The following CERS3 variants were observed in gnomAD, a reference collection of about 807,000 sequenced individuals.
CERS3 encodes LAG1 homolog, ceramide synthase 3.
CERS3 carries 33 observed loss-of-function variants against 50.3 expected under a neutral mutation model. The observed-to-expected ratio is 0.66, with a 90% CI of 0.50 to 0.88. The LOEUF (loss-of-function observed/expected upper bound fraction) is 0.88. Ranked by LOEUF, CERS3 falls within the 40% of genes least tolerant of loss-of-function variation. The pLI is 0.00. For synonymous variants in CERS3, 176 were observed against 155.2 expected (o/e 1.13, Z -0.99); for missense variants, 470 against 460.3 (o/e 1.02, Z -0.19).
At chr15:100,520,493 C>G (rs1001579722) in intron 2 of CERS3, among the ~76,000 whole-genome samples, 2 of 152,174 alleles carry the variant, frequency 1.3e-5, no homozygotes, top group African/African-American at 4.8e-5. Flanking sequence ...CTGAAGGCCC[C>G]GCTGAACTGC....
intron 3 of CERS3, among the ~76,000 whole-genome samples, chr15:100,494,210 CATATATATATATATATAT>C (rs1170051830): frequency 0.011 from 872 of 78,118 alleles, 47 homozygotes; most frequent in African/African-American, 0.046. Context: ...TTTTTCTTTT[CATATATATATATATATAT>C]ATATATATAT....
At chr15:100,453,519 A>G (rs2034250331) in intron 11 of CERS3, among the ~76,000 whole-genome samples, 1 of 152,220 alleles carries the variant, frequency 6.6e-6, no homozygotes, top group African/African-American at 2.4e-5. Flanking sequence ...TGAAGGGCAT[A>G]TATGACAGAT....
chr15:100,408,972 C>G (rs760897423), intron 11 of CERS3, among the ~76,000 whole-genome samples: 3 of 152,152 alleles, frequency 2.0e-5, no homozygotes, highest in South Asian at 2.1e-4. Context: ...GAAAGGTACA[C>G]AGGATGAAAA....
At chr15:100,433,512 C>A in intron 11 of CERS3, among the ~76,000 whole-genome samples, 1 of 152,206 alleles carries the variant, frequency 6.6e-6, no homozygotes, top group Admixed American at 6.5e-5. Context: ...TGTCCAAATA[C>A]AGAGGCCCAG....
intron 1 of CERS3, among the ~76,000 whole-genome samples, chr15:100,538,972 G>C (rs543397572): frequency 6.6e-6 from 1 of 152,186 alleles, no homozygotes; most frequent in South Asian, 2.1e-4. Context: ...GTCACCTCTT[G>C]AACACTTTAC....
chr15:100,448,393 A>G (rs896127014), intron 11 of CERS3, among the ~76,000 whole-genome samples: 6 of 152,216 alleles, frequency 3.9e-5, no homozygotes, highest in South Asian at 2.1e-4. Context: ...ATACTCCCCA[A>G]TGTGGGAAAA....
intron 2 of CERS3, among the ~76,000 whole-genome samples, chr15:100,519,665 A>G (rs1472009356): frequency 1.3e-5 from 2 of 152,164 alleles, no homozygotes; most frequent in Non-Finnish European, 2.9e-5. Flanking sequence ...TCTTCCTGCT[A>G]GTACACAAGG....
Position 100,432,069 on chromosome 15 carries a change from T to A in CERS3, c.999+23824A>T, listed in dbSNP as rs556320360. Among the ~76,000 whole-genome samples the A allele has an allele frequency of 8.0e-4, 36 of 44,796 alleles. No individual in the cohort carries two copies. In the East Asian group the frequency reaches 0.027, roughly 33 times the overall value. 29.4% of individuals were successfully genotyped at this position (44,796 alleles called of 152,430 possible). A position where few individuals can be genotyped will look rare whatever the true frequency, so the allele number is the denominator to read the frequency against. On this transcript the variant is annotated intron_variant, in intron 11 of 11. Coordinates refer to ENST00000679737, the MANE Select transcript of CERS3 (RefSeq NM_001378789.1). ...CTGAGTTCCTTTAATAGGCCCTCTT[T>A]TGTTTTTTTTTTTAAGAGACAGGGT...
At chr15:100,492,509 T>C (rs1001325434) in intron 3 of CERS3, among the ~76,000 whole-genome samples, 4 of 152,232 alleles carry the variant, frequency 2.6e-5, no homozygotes, top group African/African-American at 9.6e-5. Context: ...TTGTCTGATA[T>C]TAGTACAGCT....
At chr15:100,437,182 T>C (rs956705867) in intron 11 of CERS3, among the ~76,000 whole-genome samples, 2 of 152,132 alleles carry the variant, frequency 1.3e-5, no homozygotes, top group Non-Finnish European at 2.9e-5. Flanking sequence ...CCTGACCTCG[T>C]GATCCGCCTG....
At chr15:100,543,383 C>A (rs2037248419) in intron 1 of CERS3, among the ~76,000 whole-genome samples, 1 of 152,188 alleles carries the variant, frequency 6.6e-6, no homozygotes, top group South Asian at 2.1e-4. Context: ...GTTCTCATTT[C>A]AGGTGATTTA....
chr15:100,503,121 T>C (rs974590423), intron 2 of CERS3, among the ~76,000 whole-genome samples: 48 of 152,240 alleles, frequency 3.2e-4, no homozygotes, highest in African/African-American at 1.2e-3. Flanking sequence ...CATCTTTTAA[T>C]GTTTAATCAG....
intron 3 of CERS3, among the ~76,000 whole-genome samples, chr15:100,491,160 A>T (rs892643442): frequency 6.6e-6 from 1 of 152,176 alleles, no homozygotes; most frequent in African/African-American, 2.4e-5. Context: ...AATGCATTTT[A>T]TGTTAATCCA....
chr15:100,485,165 C>G (rs2035448619), intron 4 of CERS3, among the ~76,000 whole-genome samples: 1 of 152,208 alleles, frequency 6.6e-6, no homozygotes, highest in Non-Finnish European at 1.5e-5. Context: ...ATCTTTCTCA[C>G]AGCTCCAGAA....
intron 11 of CERS3, among the ~76,000 whole-genome samples, chr15:100,424,356 G>C (rs887963046): frequency 6.6e-6 from 1 of 152,212 alleles, no homozygotes; most frequent in African/African-American, 2.4e-5. Flanking sequence ...CTGGGTAATG[G>C]GAAGAGGTTG....
At chr15:100,538,655 A>T (rs1455048303) in intron 1 of CERS3, among the ~76,000 whole-genome samples, 1 of 152,214 alleles carries the variant, frequency 6.6e-6, no homozygotes, top group East Asian at 1.9e-4. Context: ...GGCCGAGCCC[A>T]CAAAACCATT....
chr15:100,476,818 C>A (rs577467676), intron 7 of CERS3, among the ~76,000 whole-genome samples: 1 of 152,302 alleles, frequency 6.6e-6, no homozygotes, highest in South Asian at 2.1e-4. Context: ...CTTCTGATAT[C>A]TAAGCCCTTG....
At chr15:100,467,850 T>TAGATAGATAGATAGATAG (rs1555528324) in intron 10 of CERS3, among the ~76,000 whole-genome samples, 1,018 of 93,116 alleles carry the variant, frequency 0.011, 29 homozygotes, top group Admixed American at 0.025. Flanking sequence ...TATATATATA[T>TAGATAGATAGATAGATAG]ATAGATAGAT....
At chr15:100,427,450 A>T (rs1422708591) in intron 11 of CERS3, among the ~76,000 whole-genome samples, 1 of 152,212 alleles carries the variant, frequency 6.6e-6, no homozygotes, top group Non-Finnish European at 1.5e-5. Flanking sequence ...ACGTGAGGCT[A>T]TTCTATACCA....
Sources: gnomAD v4.1 joint callset for allele counts (sites outside exome capture counted in the v4.1 genomes callset) on GRCh38, gnomAD v4.1.1 for gene constraint, MANE v1.5 for transcripts, NCBI Gene and HGNC (gene_info 2026-07-23, HGNC 2026-07-21) for gene names.